Variants in CCNY observed in about 807,000 individuals in gnomAD.
CCNY encodes cyclin Y.
In CCNY, 19 loss-of-function variants were observed where a neutral mutation model predicts 42.8. The ratio of observed to expected loss-of-function variants is 0.44; its 90% CI spans 0.31 to 0.65. CCNY has a LOEUF of 0.65. Ranked by LOEUF, CCNY falls within the 30% of genes least tolerant of loss-of-function variation. The probability of loss-of-function intolerance (pLI) is 0.07; values close to 1 mark genes in which losing one functional copy is unlikely to be tolerated. For synonymous variants in CCNY, 165 were observed against 162.7 expected (o/e 1.01, Z -0.11); for missense variants, 370 against 437.3 (o/e 0.85, Z 1.37).
At position 35,404,884 on chromosome 10, in the gene CCNY, C is replaced by T. The variant is rs938312760; in HGVS notation, c.154+67677C>T. ...CCACGAAGCCTTGCAGCAGTACAGC[C>T]CAGGTAATTTGCTGAGCCTGATGGG... On this transcript the variant is annotated intron_variant, in intron 1 of 9. Coordinates refer to ENST00000374704, the MANE Select transcript of CCNY (RefSeq NM_145012.6). Among the ~76,000 whole-genome samples the T allele has an allele frequency of 4.6e-5, 7 of 152,042 alleles. No homozygotes were observed. In the East Asian group the frequency reaches 1.3e-3, roughly 29 times the overall value.
At chr10:35,557,336 A>G (rs541687805) in intron 8 of CCNY, among the ~76,000 whole-genome samples, 86 of 152,338 alleles carry the variant, frequency 5.6e-4, no homozygotes, top group African/African-American at 2.0e-3. Flanking sequence ...CTCTTCTTCA[A>G]AATTCTCCAT....
chr10:35,293,646 G>C (rs868416154), intron 3 of CCNY, among the ~76,000 whole-genome samples: 14 of 151,988 alleles, frequency 9.2e-5, no homozygotes, highest in South Asian at 4.1e-4. Context: ...TTTCAAAAAT[G>C]TTTTATAGTT....
intron 1 of CCNY, among the ~76,000 whole-genome samples, chr10:35,425,443 G>C (rs773860666): frequency 1.3e-5 from 2 of 152,162 alleles, no homozygotes; most frequent in Admixed American, 6.5e-5. Flanking sequence ...ATACATGTTT[G>C]CAAAGGTAGG....
At chr10:35,291,277 G>T (rs1176153810) in intron 3 of CCNY, among the ~76,000 whole-genome samples, 1 of 152,088 alleles carries the variant, frequency 6.6e-6, no homozygotes, top group Non-Finnish European at 1.5e-5. Flanking sequence ...ATAGTGCTGG[G>T]ATTACAGGTG....
intron 1 of CCNY, among the ~76,000 whole-genome samples, chr10:35,381,589 C>T (rs1180263062): frequency 6.7e-6 from 1 of 150,222 alleles, no homozygotes; most frequent in Admixed American, 6.6e-5. Flanking sequence ...AAAAGAAATA[C>T]TGTATGCAAC....
chr10:35,470,511 A>G (rs1839370967), intron 1 of CCNY, among the ~76,000 whole-genome samples: 1 of 152,232 alleles, frequency 6.6e-6, no homozygotes. Context: ...AAAGACATAC[A>G]CGGAGATCAC....
At chr10:35,262,682 T>A (rs2091317838) in intron 3 of CCNY, among the ~76,000 whole-genome samples, 1 of 152,080 alleles carries the variant, frequency 6.6e-6, no homozygotes, top group Non-Finnish European at 1.5e-5. Context: ...AATTATAAAC[T>A]AATTATATCA....
chr10:35,470,973 G>A (rs1424357812), intron 1 of CCNY, among the ~76,000 whole-genome samples: 1 of 152,218 alleles, frequency 6.6e-6, no homozygotes, highest in Non-Finnish European at 1.5e-5. Flanking sequence ...AGGGGTTTGA[G>A]ATTTTAACCA....
chr10:35,406,010 G>C (rs1027343565), intron 1 of CCNY, among the ~76,000 whole-genome samples: 5 of 152,140 alleles, frequency 3.3e-5, no homozygotes, highest in Non-Finnish European at 7.4e-5. Flanking sequence ...TGGAGTTCTT[G>C]TGTGCTGGAG....
intron 3 of CCNY, among the ~76,000 whole-genome samples, chr10:35,330,572 T>C (rs1422268338): frequency 2.0e-5 from 3 of 152,196 alleles, no homozygotes; most frequent in African/African-American, 7.2e-5. Flanking sequence ...TGCATACAAC[T>C]TGGGAATTCA....
At position 35,571,628 on chromosome 10, in the gene CCNY, T is replaced by G. The variant is rs772924927; in HGVS notation, c.*2458T>G. The G allele has an allele frequency of 3.9e-5, 6 of 152,388 alleles. No individual in the cohort carries two copies. The highest frequency in any genetic ancestry group is 8.8e-5 in the Non-Finnish European group (6 of 68,036). 9.4% of individuals were successfully genotyped at this position (152,388 alleles called of 1,614,324 possible). ...GATACTTGAGGTTCATTTTCTTTTCTTTTTCTACATGATGATGAATAGTTA... is the reference window on the plus strand; with the variant it reads ...GATACTTGAGGTTCATTTTCTTTTCGTTTTCTACATGATGATGAATAGTTA... On this transcript the variant is annotated 3_prime_UTR_variant, in exon 10 of 10. Transcript: ENST00000374704.
At chr10:35,436,276 T>G (rs1017941593) in intron 1 of CCNY, among the ~76,000 whole-genome samples, 7 of 152,216 alleles carry the variant, frequency 4.6e-5, no homozygotes, top group African/African-American at 1.4e-4. Flanking sequence ...GTTCACAATT[T>G]CCTGGTGAGC....
intron 3 of CCNY, among the ~76,000 whole-genome samples, chr10:35,268,636 C>A (rs1433689978): frequency 6.6e-6 from 1 of 152,186 alleles, no homozygotes; most frequent in Non-Finnish European, 1.5e-5. Context: ...CTGTGGCAGT[C>A]CTTTGCCTGG....
intron 3 of CCNY, among the ~76,000 whole-genome samples, chr10:35,284,700 G>T (rs970172984): frequency 2.0e-5 from 3 of 151,968 alleles, no homozygotes; most frequent in African/African-American, 4.8e-5. Flanking sequence ...TGGGGTAGAA[G>T]CTCAGGCTAT....
At chr10:35,345,897 A>G (rs1836291959) in intron 1 of CCNY, among the ~76,000 whole-genome samples, 1 of 152,192 alleles carries the variant, frequency 6.6e-6, no homozygotes, top group Non-Finnish European at 1.5e-5. Context: ...GTGATGCCAC[A>G]CAGGAGCAGT....
chr10:35,404,205 G>A (rs530995826), intron 1 of CCNY, among the ~76,000 whole-genome samples: 4 of 152,288 alleles, frequency 2.6e-5, no homozygotes, highest in Non-Finnish European at 4.4e-5. Flanking sequence ...GTATTAGGGC[G>A]GCAGCAGCCA....
intron 1 of CCNY, among the ~76,000 whole-genome samples, chr10:35,408,079 A>G (rs1055153777): frequency 1.3e-5 from 2 of 152,224 alleles, no homozygotes; most frequent in Non-Finnish European, 2.9e-5. Context: ...GGGTGGCGCC[A>G]AGATTAAAAG....
chr10:35,536,818 A>G (rs112106117), intron 7 of CCNY, among the ~76,000 whole-genome samples: 9,217 of 152,286 alleles, frequency 0.061, 847 homozygotes, highest in African/African-American at 0.2. Context: ...AGTTTTATAA[A>G]GGAAGCAGAG....
chr10:35,347,145 G>C (rs1165204006), intron 1 of CCNY, among the ~76,000 whole-genome samples: 2 of 152,232 alleles, frequency 1.3e-5, no homozygotes, highest in African/African-American at 4.8e-5. Flanking sequence ...GGGATGTGTA[G>C]TGGGGCTTCA....
Sources: allele counts gnomAD v4.1 joint callset (sites outside exome capture counted in the v4.1 genomes callset), GRCh38; gene constraint gnomAD v4.1.1; transcripts MANE v1.5; gene names NCBI Gene and HGNC (gene_info 2026-07-23, HGNC 2026-07-21).